The following CLASP1 variants were observed in gnomAD, a reference collection of about 807,000 sequenced individuals.
CLASP1 encodes cytoplasmic linker associated protein 1.
In CLASP1, 38 loss-of-function variants were observed where a neutral mutation model predicts 192.3. The ratio of observed to expected loss-of-function variants is 0.20; its 90% CI spans 0.15 to 0.26. CLASP1 has a LOEUF of 0.26. CLASP1 is among the 10% of genes least tolerant of loss of function. The pLI is 1.00. For missense variants in CLASP1, 1,433 were observed against 1,932.5 expected, an observed-to-expected ratio of 0.74 and a Z score of 4.85; for synonymous variants, 691 against 712.8, an observed-to-expected ratio of 0.97 and a Z score of 0.49.
intron 2 of CLASP1, among the ~76,000 whole-genome samples, chr2:121,603,719 T>C (rs2064075688): frequency 6.6e-6 from 1 of 152,220 alleles, no homozygotes; most frequent in African/African-American, 2.4e-5. Flanking sequence ...GTATATTCAA[T>C]GGAATATTAA....
At chr2:121,555,838 C>T (rs999433543) in intron 2 of CLASP1, among the ~76,000 whole-genome samples, 1 of 152,018 alleles carries the variant, frequency 6.6e-6, no homozygotes, top group African/African-American at 2.4e-5. Context: ...TGTGCCACCA[C>T]GCCCAGTTAA....
chr2:121,341,226 C>T lies in CLASP1; in HGVS notation c.4531-279G>A, dbSNP rs1183793754. 3.9e-5 allele frequency among the ~76,000 whole-genome samples: 6 copies of T among 152,200 alleles called. No homozygotes were observed. In the East Asian group the frequency reaches 7.7e-4, roughly 20 times the overall value. ...CACCAGGTGTCACAACTAGGTGGGC[C>T]GCAGCAGCTCATGGAGGAAGGGATA... On this transcript the variant is annotated intron_variant, in intron 39 of 39. Coordinates refer to ENST00000263710, the Ensembl canonical transcript of CLASP1.
At chr2:121,572,194 C>T (rs2060038141) in intron 2 of CLASP1, among the ~76,000 whole-genome samples, 1 of 152,020 alleles carries the variant, frequency 6.6e-6, no homozygotes, top group Non-Finnish European at 1.5e-5. Context: ...TTTGGGAGGC[C>T]AAGGCGGGTG....
At chr2:121,466,406 G>A (rs563481131) in intron 9 of CLASP1, among the ~76,000 whole-genome samples, 7 of 152,140 alleles carry the variant, frequency 4.6e-5, no homozygotes, top group Non-Finnish European at 5.9e-5. Flanking sequence ...TTCTAGGGCC[G>A]GTTCAGAATT....
At chr2:121,536,559 T>A (rs1575780802) in intron 2 of CLASP1, among the ~76,000 whole-genome samples, 2 of 152,120 alleles carry the variant, frequency 1.3e-5, no homozygotes. Context: ...AAGTGTTGAT[T>A]GACAGATGAA....
intron 2 of CLASP1, among the ~76,000 whole-genome samples, chr2:121,542,987 C>T (rs1423212151): frequency 5.3e-5 from 8 of 152,210 alleles, no homozygotes; most frequent in East Asian, 3.8e-4. Flanking sequence ...TGTTCTACAA[C>T]GGTGATGTCC....
At chr2:121,559,850 T>C (rs1410215889) in intron 2 of CLASP1, among the ~76,000 whole-genome samples, 1 of 152,160 alleles carries the variant, frequency 6.6e-6, no homozygotes, top group African/African-American at 2.4e-5. Context: ...ACTCATGATA[T>C]ATAAATTATA....
intron 8 of CLASP1, among the ~76,000 whole-genome samples, chr2:121,492,413 AAG>A (rs1200416309): frequency 6.6e-6 from 1 of 150,548 alleles, no homozygotes; most frequent in African/African-American, 2.4e-5. Flanking sequence ...AAAAAAAAAA[AAG>A]TGAAAAGATA....
intron 23 of CLASP1, among the ~76,000 whole-genome samples, chr2:121,417,527 AG>A (rs1258980628): frequency 6.6e-6 from 1 of 152,154 alleles, no homozygotes; most frequent in Non-Finnish European, 1.5e-5. Context: ...GCTGTGGAAT[AG>A]GTGACATGCA....
At chr2:121,559,500 A>T (rs1201177984) in intron 2 of CLASP1, among the ~76,000 whole-genome samples, 1 of 152,232 alleles carries the variant, frequency 6.6e-6, no homozygotes, top group East Asian at 1.9e-4. Context: ...TTTGGCAATA[A>T]AAAGAAATTA....
chr2:121,479,099 G>A (rs368374851), intron 8 of CLASP1, among the ~76,000 whole-genome samples: 1 of 109,982 alleles, frequency 9.1e-6, no homozygotes, highest in Non-Finnish European at 1.8e-5. Flanking sequence ...GTGAAAGACC[G>A]GATGCTTTCC....
chr2:121,529,576 T>C (rs980494645), intron 3 of CLASP1, among the ~76,000 whole-genome samples: 1 of 152,222 alleles, frequency 6.6e-6, no homozygotes, highest in African/African-American at 2.4e-5. Flanking sequence ...TAGAGATGCT[T>C]AGTGTTTATA....
chr2:121,458,823 G>A lies in CLASP1; in HGVS notation c.1314+17C>T. Reference sequence around the variant, plus strand: ...TTACCACTTGCTTATTTCAAGCATGGCCTATAACATACTTACCCGAATAAT... The same window carrying A: ...TTACCACTTGCTTATTTCAAGCATGACCTATAACATACTTACCCGAATAAT... On this transcript the variant is annotated intron_variant, in intron 13 of 39. Transcript: ENST00000263710. The A allele has an allele frequency of 1.9e-6, 3 of 1,583,542 alleles. No individual in the cohort carries two copies. The highest frequency in any genetic ancestry group is 2.6e-6 in the Non-Finnish European group (3 of 1,164,858).
chr2:121,573,940 G>A (rs576459002), intron 2 of CLASP1, among the ~76,000 whole-genome samples: 4 of 152,296 alleles, frequency 2.6e-5, no homozygotes, highest in African/African-American at 9.6e-5. Context: ...GCTTTGCAGA[G>A]AGTAGAGTGG....
At chr2:121,594,063 C>G (rs1009420045) in intron 2 of CLASP1, among the ~76,000 whole-genome samples, 9 of 152,038 alleles carry the variant, frequency 5.9e-5, no homozygotes, top group African/African-American at 1.9e-4. Context: ...CTTTGGGAGG[C>G]CGAGGCGGGT....
intron 14 of CLASP1, among the ~76,000 whole-genome samples, chr2:121,456,380 T>C (rs1251031752): frequency 6.7e-6 from 1 of 149,472 alleles, no homozygotes; most frequent in Non-Finnish European, 1.5e-5. Context: ...TAGTGGGCCA[T>C]GGTGGTGTGT....
At chr2:121,397,356 A>C (rs2075452528) in intron 29 of CLASP1, 73 bp from the exon 31 acceptor site, 1 of 1,370,040 alleles carries the variant, frequency 7.3e-7, no homozygotes, top group South Asian at 1.3e-5. Flanking sequence ...TCAGGTGGCC[A>C]GAGAAAAGTA....
intron 14 of CLASP1, among the ~76,000 whole-genome samples, chr2:121,452,155 T>C (rs2085618089): frequency 6.6e-6 from 1 of 152,224 alleles, no homozygotes; most frequent in Non-Finnish European, 1.5e-5. Flanking sequence ...TTCATTTTTA[T>C]ACTATCCTAA....
At chr2:121,459,679 A>T (rs1300538650) in intron 12 of CLASP1, 2 of 233,250 alleles carry the variant, frequency 8.6e-6, no homozygotes, top group African/African-American at 4.5e-5. Context: ...GCAAAAATCA[A>T]TGAAAAATCA....
Sources: gnomAD v4.1 joint callset for allele counts (sites outside exome capture counted in the v4.1 genomes callset) on GRCh38, gnomAD v4.1.1 for gene constraint, MANE v1.5 for transcripts, NCBI Gene and HGNC (gene_info 2026-07-23, HGNC 2026-07-21) for gene names.